The following POLR3B variants were observed in gnomAD, a reference collection of about 807,000 sequenced individuals.
POLR3B encodes the protein RNA polymerase III subunit B.
In POLR3B, 96 loss-of-function variants were observed where a neutral mutation model predicts 147.4. The observed-to-expected ratio is 0.65, with a 90% CI of 0.55 to 0.77. The LOEUF (loss-of-function observed/expected upper bound fraction) is 0.77, where lower values mean the gene tolerates loss of function less well. POLR3B is among the 30% of genes least tolerant of loss of function. The pLI, the probability that POLR3B is intolerant of heterozygous loss-of-function variation, is 0.00. For synonymous variants in POLR3B, 461 were observed against 485.9 expected (o/e 0.95, Z 0.67); for missense variants, 1,036 against 1,413.5 (o/e 0.73, Z 4.28).
rs147457953 is a variant in POLR3B at position 106,380,411 on chromosome 12, CAA to C, written c.723+294_723+295del. Among the ~76,000 whole-genome samples the C allele has an allele frequency of 0.3, 29,945 of 98,408 alleles. 3,888 individuals carry two copies. The highest frequency in any genetic ancestry group is 0.43 in the African/African-American group (11,656 of 27,102). 64.6% of individuals were successfully genotyped at this position (98,408 alleles called of 152,430 possible). On this transcript the variant is annotated intron_variant, in intron 9 of 27. Coordinates refer to ENST00000228347, the MANE Select transcript of POLR3B (RefSeq NM_018082.6). The stretch of plus-strand genomic sequence containing the variant: ...CAACATGGTGAAACCCCATCTCTAC[CAA>C]AAAAAAAAAAAAAAAAAAAAATAGC...
intron 4 of POLR3B, among the ~76,000 whole-genome samples, chr12:106,368,913 T>G (rs999555960): frequency 1.3e-5 from 2 of 152,188 alleles, no homozygotes; most frequent in Non-Finnish European, 2.9e-5. Context: ...TTGTTTGTTT[T>G]TTTGTTTTGT....
At chr12:106,369,516 C>T (rs1175184753) in intron 5 of POLR3B, 67 bp from the exon 6 acceptor site, 2 of 1,124,664 alleles carry the variant, frequency 1.8e-6, no homozygotes, top group Non-Finnish European at 2.7e-6. Context: ...AGAAGGAGCA[C>T]TTTGAAGTGG....
chr12:106,381,905 G>C (rs1565878822), intron 9 of POLR3B: 1 of 152,200 alleles, frequency 6.6e-6, no homozygotes, highest in Non-Finnish European at 1.5e-5. Context: ...TCTGGGAAAG[G>C]GGTGGGGAGT....
chr12:106,432,202 A>G, intron 14 of POLR3B, 116 bp from the exon 15 acceptor site: 1 of 884,638 alleles, frequency 1.1e-6, no homozygotes, highest in Non-Finnish European at 1.9e-6. Flanking sequence ...AGTATCCCCT[A>G]CAAAGTTGTA....
Position 106,376,379 on chromosome 12 carries a change from G to A in POLR3B, c.425G>A (p.Ser142Asn), listed in dbSNP as rs2036678976. 1 of 1,612,390 alleles carries A rather than the reference G, an allele frequency of 6.2e-7. No individual in the cohort carries two copies. The highest frequency in any genetic ancestry group is 8.5e-7 in the Non-Finnish European group (1 of 1,179,052). Residue 142 changes from serine to asparagine, a missense_variant, in exon 7 of 28, where the codon AGT (serine) becomes AAT (asparagine). Ser to Asn is a conservative substitution (Grantham distance 46). This residue lies in a region of POLR3B where 217 missense variants were observed against 288.7 expected (regional missense o/e 0.75). Coordinates refer to ENST00000228347, the MANE Select transcript of POLR3B (RefSeq NM_018082.6). The stretch of plus-strand genomic sequence containing the variant: ...TACAGAATGCCCATAATGCTACGTA[G>A]TTCAAACTGTGTTCTTACAGGAAAA... ...PIGRMPIMLR[S>N]SNCVLTGKTP...
intron 26 of POLR3B, among the ~76,000 whole-genome samples, chr12:106,503,124 T>C (rs2038628428): frequency 6.6e-6 from 1 of 152,214 alleles, no homozygotes; most frequent in Non-Finnish European, 1.5e-5. Context: ...TAAAAATGTA[T>C]AGATGTGCTC....
At chr12:106,461,781 T>G (rs2037940738) in intron 22 of POLR3B, among the ~76,000 whole-genome samples, 1 of 152,190 alleles carries the variant, frequency 6.6e-6, no homozygotes, top group African/African-American at 2.4e-5. Context: ...CCTATCAGTC[T>G]AATCACTCAC....
At chr12:106,470,814 G>C (rs532139097) in intron 23 of POLR3B, among the ~76,000 whole-genome samples, 1 of 152,038 alleles carries the variant, frequency 6.6e-6, no homozygotes, top group Non-Finnish European at 1.5e-5. Context: ...ATTGCTGCCC[G>C]ATCCTTCCTC....
intron 10 of POLR3B, among the ~76,000 whole-genome samples, chr12:106,397,569 A>G (rs188211913): frequency 2.0e-5 from 3 of 152,320 alleles, no homozygotes; most frequent in East Asian, 3.9e-4. Flanking sequence ...AGCATTGTGT[A>G]TGGAATTAGG....
At chr12:106,366,930 C>G (rs1322639463) in intron 4 of POLR3B, among the ~76,000 whole-genome samples, 1 of 152,072 alleles carries the variant, frequency 6.6e-6, no homozygotes. Context: ...ATGGTGAAAC[C>G]CTGTCTCTAC....
chr12:106,436,608 T>G (rs2037579905), intron 16 of POLR3B, among the ~76,000 whole-genome samples: 2 of 152,214 alleles, frequency 1.3e-5, no homozygotes, highest in Admixed American at 1.3e-4. Flanking sequence ...TGACAGTGCT[T>G]CTTTGCCTGT....
Position 106,430,329 on chromosome 12 carries a change from G to A in POLR3B, c.1320G>A (p.Leu440=), listed in dbSNP as rs753949347. ...KMDRQGVTQV[L]SRLSYISALG... is the part of the protein sequence containing the mutation. ...ACCGCCAGGGTGTAACCCAAGTGCTGTCTCGCTTGTCATATATATCCGCAC... is the reference window on the plus strand; with the variant it reads ...ACCGCCAGGGTGTAACCCAAGTGCTATCTCGCTTGTCATATATATCCGCAC... The change falls in exon 14 of 28, where the codon CTG becomes CTA. Residue 440 remains leucine (L), a synonymous_variant. Transcript: ENST00000228347. 3.8e-5 allele frequency: 61 copies of A among 1,613,968 alleles called. No homozygotes were observed. The highest frequency in any genetic ancestry group is 4.2e-5 in the Non-Finnish European group (50 of 1,179,964).
chr12:106,423,991 G>A (rs1233691729), intron 12 of POLR3B, among the ~76,000 whole-genome samples: 1 of 151,844 alleles, frequency 6.6e-6, no homozygotes, highest in Non-Finnish European at 1.5e-5. Flanking sequence ...TGAGTAGCTG[G>A]GATTATAGGC....
At chr12:106,427,509 C>G in intron 13 of POLR3B, 151 bp downstream of exon 13, 1 of 756,382 alleles carries the variant, frequency 1.3e-6, no homozygotes, top group Non-Finnish European at 2.2e-6. Flanking sequence ...GAAAGAAAGT[C>G]TGAAGTGTTT....
chr12:106,360,788 T>G (rs533545402), intron 1 of POLR3B, among the ~76,000 whole-genome samples: 33 of 152,348 alleles, frequency 2.2e-4, no homozygotes, highest in African/African-American at 7.7e-4. Flanking sequence ...ATTCACAGGG[T>G]TTATACAAGT....
At chr12:106,408,530 G>T (rs1219057590) in intron 11 of POLR3B, among the ~76,000 whole-genome samples, 1 of 152,196 alleles carries the variant, frequency 6.6e-6, no homozygotes, top group Non-Finnish European at 1.5e-5. Flanking sequence ...TCTAGTGCAT[G>T]CTAAAGTTTA....
intron 21 of POLR3B, 150 bp from the exon 22 acceptor site, chr12:106,459,101 A>C (rs960166732): frequency 2.6e-5 from 17 of 651,448 alleles, no homozygotes; most frequent in Non-Finnish European, 4.2e-5. Flanking sequence ...ACCATAGCTC[A>C]CTGCAGCCTC....
At chr12:106,416,859 C>G (rs564335981) in intron 12 of POLR3B, among the ~76,000 whole-genome samples, 40 of 152,132 alleles carry the variant, frequency 2.6e-4, no homozygotes, top group Middle Eastern at 3.4e-3. Flanking sequence ...TCTTCTCAAA[C>G]ATACCATAAT....
chr12:106,488,201 T>A (rs1263257277), intron 23 of POLR3B, among the ~76,000 whole-genome samples: 1 of 152,230 alleles, frequency 6.6e-6, no homozygotes, highest in Non-Finnish European at 1.5e-5. Context: ...ATTCAAAGAA[T>A]CTTAATGAAG....
Sources: allele counts gnomAD v4.1 joint callset (sites outside exome capture counted in the v4.1 genomes callset), GRCh38; gene constraint gnomAD v4.1.1; regional missense constraint gnomAD v4.1.1; transcripts MANE v1.5; gene names NCBI Gene and HGNC (gene_info 2026-07-23, HGNC 2026-07-21).